Variants in CCDC91 observed in about 807,000 individuals in gnomAD.
CCDC91 encodes the protein coiled-coil domain containing 91.
Under a neutral mutation model 63.2 loss-of-function variants are expected in CCDC91, and 48 were observed. The ratio of observed to expected loss-of-function variants is 0.76; its 90% CI spans 0.60 to 0.97. CCDC91 has a LOEUF of 0.97. CCDC91 is among the 50% of genes least tolerant of loss of function. The pLI is 0.00. For synonymous variants in CCDC91, 167 were observed against 165.8 expected, an observed-to-expected ratio of 1.01 and a Z score of -0.06; for missense variants, 500 against 494.6, an observed-to-expected ratio of 1.01 and a Z score of -0.10.
intron 6 of CCDC91, among the ~76,000 whole-genome samples, chr12:28,344,237 C>T (rs1478673749): frequency 2.0e-5 from 3 of 152,092 alleles, no homozygotes; most frequent in Non-Finnish European, 2.9e-5. Flanking sequence ...AAACCACATA[C>T]TAATCATTGC....
intron 12 of CCDC91, among the ~76,000 whole-genome samples, chr12:28,548,584 A>G (rs535894846): frequency 6.6e-6 from 1 of 152,166 alleles, no homozygotes; most frequent in Admixed American, 6.6e-5. Flanking sequence ...AATGTTTTTT[A>G]AAGCATACTT....
chr12:28,495,677 A>C (rs1952241949), intron 12 of CCDC91, among the ~76,000 whole-genome samples: 1 of 151,680 alleles, frequency 6.6e-6, no homozygotes, highest in South Asian at 2.1e-4. Flanking sequence ...TTGAATTGAG[A>C]ATTTAGCATC....
chr12:28,270,106 G>A (rs1159262875), intron 3 of CCDC91, among the ~76,000 whole-genome samples: 5 of 151,600 alleles, frequency 3.3e-5, no homozygotes, highest in South Asian at 4.2e-4. Context: ...ACATTAAAAC[G>A]GAAAATCTTC....
chr12:28,465,986 A>G (rs1592751204), intron 11 of CCDC91, among the ~76,000 whole-genome samples: 1 of 152,176 alleles, frequency 6.6e-6, no homozygotes, highest in South Asian at 2.1e-4. Context: ...ATAGTTAAAA[A>G]CAATCAAGCA....
chr12:28,370,268 C>G (rs1431191415), intron 7 of CCDC91, among the ~76,000 whole-genome samples: 1 of 152,188 alleles, frequency 6.6e-6, no homozygotes, highest in Non-Finnish European at 1.5e-5. Context: ...TTCTAGAATG[C>G]TTTGCTGCTT....
intron 4 of CCDC91, among the ~76,000 whole-genome samples, chr12:28,306,467 G>A (rs1467348244): frequency 2.0e-5 from 3 of 152,036 alleles, no homozygotes; most frequent in Non-Finnish European, 4.4e-5. Context: ...ACATTTTCAA[G>A]CACAGGAAAA....
At chr12:28,434,621 A>AT (rs1177076260) in intron 8 of CCDC91, among the ~76,000 whole-genome samples, 1 of 57,710 alleles carries the variant, frequency 1.7e-5, no homozygotes, top group East Asian at 4.9e-4. Context: ...TTTTTTTTTG[A>AT]TTGGGGGGTG....
intron 11 of CCDC91, among the ~76,000 whole-genome samples, chr12:28,454,545 A>T (rs928670470): frequency 1.1e-4 from 16 of 152,124 alleles, no homozygotes; most frequent in African/African-American, 3.9e-4. Context: ...GTTTTTTGCC[A>T]TCTTTCTTGG....
intron 10 of CCDC91, among the ~76,000 whole-genome samples, chr12:28,451,640 C>A (rs979362347): frequency 6.6e-6 from 1 of 151,486 alleles, no homozygotes; most frequent in African/African-American, 2.4e-5. Context: ...CTCAGTGAAT[C>A]AATATTTTTC....
At chr12:28,263,943 T>G (rs1228465240) in intron 3 of CCDC91, among the ~76,000 whole-genome samples, 1 of 151,962 alleles carries the variant, frequency 6.6e-6, no homozygotes, top group Non-Finnish European at 1.5e-5. Flanking sequence ...CAAAAATATA[T>G]TAATCTCAGA....
chr12:28,379,604 T>C (rs1945164903), intron 7 of CCDC91, among the ~76,000 whole-genome samples: 1 of 151,996 alleles, frequency 6.6e-6, no homozygotes, highest in Non-Finnish European at 1.5e-5. Flanking sequence ...AAAACCACAG[T>C]GAGATACCAT....
At chr12:28,443,749 A>T (rs1181975950) in intron 8 of CCDC91, among the ~76,000 whole-genome samples, 2 of 152,228 alleles carry the variant, frequency 1.3e-5, no homozygotes, top group African/African-American at 4.8e-5. Context: ...GGATGACAGA[A>T]CATTTTTTAA....
In CCDC91 at chr12:28,538,376, G is replaced by A. The variant is rs767096090; in HGVS notation, c.1216-10687G>A. On this transcript the variant is annotated intron_variant, in intron 12 of 12. Coordinates refer to ENST00000536442, the MANE Select transcript of CCDC91 (RefSeq NM_018318.5). ...GCGCTGTTTGGTTTTCTGTCCTTGC[G>A]ATAGTTTGCTGAGAATGATGGTTTT... Among the ~76,000 whole-genome samples the A allele has an allele frequency of 1.1e-3, 159 of 151,250 alleles. 1 individual carries two copies. Among genetic ancestry groups the A allele is most frequent in the Non-Finnish European group, 8.7e-4 (59 of 67,874 alleles).
At chr12:28,369,008 G>T (rs1182697252) in intron 7 of CCDC91, among the ~76,000 whole-genome samples, 1 of 152,116 alleles carries the variant, frequency 6.6e-6, no homozygotes, top group East Asian at 1.9e-4. Context: ...TGAGATTTCG[G>T]TGGGGACACA....
Position 28,357,473 on chromosome 12 carries a change from G to GCAAAGAC in CCDC91, c.577-4965_577-4964insCAAAGAC, listed in dbSNP as rs1674315700. Among the ~76,000 whole-genome samples the GCAAAGAC allele has an allele frequency of 5.3e-5, 8 of 152,060 alleles. No individual in the cohort carries two copies. In the South Asian group the frequency reaches 1.2e-3, roughly 24 times the overall value. ...TTTCAGATTTTACGGACCATGACTA[G>GCAAAGAC]TTATATGTCTTTGCTTCACCAGAAT... is the stretch of plus-strand genomic sequence containing the variant. On this transcript the variant is annotated intron_variant, in intron 6 of 12. Coordinates refer to ENST00000536442, the MANE Select transcript of CCDC91 (RefSeq NM_018318.5).
In CCDC91 at chr12:28,484,114, A is replaced by G; in HGVS notation, c.1164A>G (p.Ala388=). Residue 388 remains alanine (A), a synonymous_variant, in exon 12 of 13, where the codon GCA becomes GCG. Coordinates refer to ENST00000536442, the MANE Select transcript of CCDC91 (RefSeq NM_018318.5). ...GAAGTGAAAAGGCTGTGGAAGAGGCAGTGAAAAGAACAAGAGATGAATTGA... is the reference window on the plus strand; with the variant it reads ...GAAGTGAAAAGGCTGTGGAAGAGGCGGTGAAAAGAACAAGAGATGAATTGA... ...QKRSEKAVEE[A]VKRTRDELIE... is the part of the protein sequence containing the mutation. 1.2e-6 allele frequency: 2 copies of G among 1,611,738 alleles called. No homozygotes were observed. Among genetic ancestry groups the G allele is most frequent in the Non-Finnish European group, 1.7e-6 (2 of 1,178,790 alleles).
chr12:28,277,875 TG>T (rs1948349635), intron 3 of CCDC91, among the ~76,000 whole-genome samples: 2 of 152,176 alleles, frequency 1.3e-5, no homozygotes, highest in Admixed American at 1.3e-4. Flanking sequence ...CTTTGTGATC[TG>T]GTAGTAGCCA....
At chr12:28,237,331 G>C (rs1413743821) in intron 1 of CCDC91, among the ~76,000 whole-genome samples, 2 of 151,678 alleles carry the variant, frequency 1.3e-5, no homozygotes, top group African/African-American at 4.8e-5. Flanking sequence ...TTAGGAACCT[G>C]TAAGTGTTAC....
At chr12:28,377,903 GTACTTATAAA>G (rs1341070526) in intron 7 of CCDC91, among the ~76,000 whole-genome samples, 3 of 152,090 alleles carry the variant, frequency 2.0e-5, no homozygotes, top group African/African-American at 7.2e-5. Flanking sequence ...CACTTGAATA[GTACTTATAAA>G]TACTTTACCA....
Sources: allele counts gnomAD v4.1 joint callset (sites outside exome capture counted in the v4.1 genomes callset), GRCh38; gene constraint gnomAD v4.1.1; transcripts MANE v1.5; gene names NCBI Gene and HGNC (gene_info 2026-07-23, HGNC 2026-07-21).